USP30: variants seen among roughly 807,000 people sequenced by gnomAD.
The protein encoded by USP30 is ubiquitin carboxyl-terminal hydrolase 30.
Under a neutral mutation model 68.2 loss-of-function variants are expected in USP30, and 41 were observed. That is an observed-to-expected ratio of 0.60 (90% confidence interval 0.47 to 0.78). The LOEUF is 0.78. Among genes scored for constraint, USP30 ranks in the 30% least tolerant of loss-of-function variants. The probability of loss-of-function intolerance (pLI) is 0.00; values close to 1 mark genes in which losing one functional copy is unlikely to be tolerated. For missense variants in USP30, 522 were observed against 649.4 expected (o/e 0.80, Z 2.13); for synonymous variants, 229 against 253.7 (o/e 0.90, Z 0.93).
chr12:109,056,635 TTTTGTG>T (rs752201299), intron 1 of USP30, 41 bp from the exon 2 acceptor site: 5 of 1,418,702 alleles, frequency 3.5e-6, no homozygotes, highest in African/African-American at 1.4e-5. Context: ...TATATTTGCC[TTTTGTG>T]TTTGTGTGAG....
At chr12:109,080,271 C>G (rs1238563283) in intron 7 of USP30, among the ~76,000 whole-genome samples, 1 of 152,188 alleles carries the variant, frequency 6.6e-6, no homozygotes, top group Non-Finnish European at 1.5e-5. Flanking sequence ...CCACTCAATC[C>G]TGTAGGATGC....
chr12:109,035,964 A>G (rs1413116677), intron 3 of USP30, among the ~76,000 whole-genome samples: 26 of 152,106 alleles, frequency 1.7e-4, no homozygotes, highest in Non-Finnish European at 4.4e-5. Context: ...GGAATTCCAG[A>G]CCTGGTCAAC....
chr12:109,081,360 T>TA lies in USP30; in HGVS notation c.748dup (p.Ser250LysfsTer36). The stretch of plus-strand genomic sequence containing the variant: ...GTCCTGTTCGATTTGATACCTTTGA[T>TA]AGCCTTTCACTAAGTATTCCAGCCG... On this transcript the variant is annotated frameshift_variant, in exon 8 of 13. Coordinates refer to ENST00000257548, the MANE Select transcript of USP30 (RefSeq NM_032663.5). LOFTEE classifies it high-confidence loss of function. The TA allele has an allele frequency of 6.2e-7, 1 of 1,614,198 alleles. No homozygotes were observed. Among genetic ancestry groups the TA allele is most frequent in the Non-Finnish European group, 8.5e-7 (1 of 1,180,036 alleles).
At chr12:109,085,164 T>A in intron 12 of USP30, 91 bp downstream of exon 12, 2 of 1,256,224 alleles carry the variant, frequency 1.6e-6, no homozygotes, top group Non-Finnish European at 2.1e-6. Context: ...AAGGAAAATA[T>A]AGATGTTTAT....
intron 9 of USP30, among the ~76,000 whole-genome samples, chr12:109,082,346 C>T (rs1193633753): frequency 6.6e-6 from 1 of 152,206 alleles, no homozygotes; most frequent in Non-Finnish European, 1.5e-5. Context: ...CCCTAAGTAA[C>T]TTGAGTTTTC....
intron 3 of USP30, among the ~76,000 whole-genome samples, chr12:109,033,634 A>C (rs940516166): frequency 6.6e-6 from 1 of 152,200 alleles, no homozygotes; most frequent in Non-Finnish European, 1.5e-5. Flanking sequence ...AAGAAAAAAA[A>C]GTGGGGGAAT....
At chr12:109,069,416 G>C (rs1176537458) in intron 4 of USP30, among the ~76,000 whole-genome samples, 2 of 152,234 alleles carry the variant, frequency 1.3e-5, no homozygotes, top group Non-Finnish European at 2.9e-5. Context: ...CTAATAGCTA[G>C]GCTGCCACAC....
Position 109,042,774 on chromosome 12 carries a change from T to C in USP30, c.-135-4816T>C, listed in dbSNP as rs374303861. 1.4e-4 allele frequency among the ~76,000 whole-genome samples: 21 copies of C among 152,212 alleles called. 1 individual carries two copies. The highest frequency in any genetic ancestry group is 4.6e-4 in the African/African-American group (19 of 41,548). On this transcript the variant is annotated intron_variant, in intron 3 of 15. Transcript: ENST00000392784. ...ACAGCAATTAGGCAAGAAAAAGACA[T>C]AAAAGGCATCCAAATCAGAAAGAAA...
intron 3 of USP30, among the ~76,000 whole-genome samples, chr12:109,058,572 CAAA>C (rs111944941): frequency 7.2e-6 from 1 of 139,346 alleles, no homozygotes; most frequent in Non-Finnish European, 1.5e-5. Context: ...AACTCCGTCT[CAAA>C]AAAAAAAAAA....
chr12:109,056,234 C>T (rs2040873992), intron 1 of USP30, among the ~76,000 whole-genome samples: 1 of 152,092 alleles, frequency 6.6e-6, no homozygotes, highest in Non-Finnish European at 1.5e-5. Flanking sequence ...TCTCTGTCAC[C>T]TGGGCTGGAG....
intron 7 of USP30, among the ~76,000 whole-genome samples, chr12:109,075,298 C>T (rs1393368019): frequency 6.6e-6 from 1 of 152,098 alleles, no homozygotes; most frequent in Non-Finnish European, 1.5e-5. Flanking sequence ...ACATTCCCAC[C>T]AACAGTATGC....
intron 2 of USP30, among the ~76,000 whole-genome samples, chr12:109,025,900 C>T (rs1383526416): frequency 1.3e-5 from 2 of 152,000 alleles, no homozygotes; most frequent in East Asian, 3.9e-4. Flanking sequence ...ATTGCCCAGG[C>T]CGATCTCAAA....
intron 3 of USP30, among the ~76,000 whole-genome samples, chr12:109,059,498 A>G (rs1437453281): frequency 6.6e-6 from 1 of 151,650 alleles, no homozygotes; most frequent in Non-Finnish European, 1.5e-5. Flanking sequence ...GCCTGGCCCC[A>G]ACTTCATTTT....
At chr12:109,068,972 A>G (rs1317939117) in intron 4 of USP30, among the ~76,000 whole-genome samples, 1 of 152,198 alleles carries the variant, frequency 6.6e-6, no homozygotes, top group Non-Finnish European at 1.5e-5. Flanking sequence ...GCTTCAGAGG[A>G]TGCATTGGGC....
chr12:109,058,629 A>C (rs1158999771), intron 3 of USP30, among the ~76,000 whole-genome samples: 1 of 152,162 alleles, frequency 6.6e-6, no homozygotes, highest in African/African-American at 2.4e-5. Context: ...TCAAGTTAAT[A>C]ACAGCTTTTT....
At chr12:109,067,107 ATTTTTTTT>A (rs754748366) in intron 3 of USP30, among the ~76,000 whole-genome samples, 3 of 104,570 alleles carry the variant, frequency 2.9e-5, no homozygotes, top group Admixed American at 2.3e-4. Context: ...ACAGTCCTTA[ATTTTTTTT>A]TTTTTTTTTT....
intron 3 of USP30, among the ~76,000 whole-genome samples, chr12:109,061,828 C>T (rs2041075891): frequency 6.6e-6 from 1 of 152,220 alleles, no homozygotes; most frequent in African/African-American, 2.4e-5. Context: ...CTCCCCTCCA[C>T]CTTTCCCAAA....
At chr12:109,040,928 C>A (rs186869448) in intron 3 of USP30, among the ~76,000 whole-genome samples, 2 of 152,294 alleles carry the variant, frequency 1.3e-5, no homozygotes, top group African/African-American at 4.8e-5. Context: ...TTTGAGGCTA[C>A]CACACTCAGC....
intron 4 of USP30, among the ~76,000 whole-genome samples, chr12:109,068,162 C>T (rs112998628): frequency 2.0e-5 from 3 of 152,302 alleles, no homozygotes; most frequent in Admixed American, 6.5e-5. Context: ...CCCTCCTCCC[C>T]GCCAGACCGC....
Sources: allele counts gnomAD v4.1 joint callset (sites outside exome capture counted in the v4.1 genomes callset), GRCh38; gene constraint gnomAD v4.1.1; transcripts MANE v1.5; gene names NCBI Gene and HGNC (gene_info 2026-07-23, HGNC 2026-07-21).